The following PELI2 variants were observed in gnomAD, a reference collection of about 807,000 sequenced individuals.
PELI2 encodes the protein E3 ubiquitin-protein ligase pellino homolog 2.
In PELI2, 23 loss-of-function variants were observed where a neutral mutation model predicts 42.3. The ratio of observed to expected loss-of-function variants is 0.54; its 90% CI spans 0.39 to 0.77. The LOEUF is 0.77. Among genes scored for constraint, PELI2 ranks in the 30% least tolerant of loss-of-function variants. PELI2 has a pLI of 0.00. For missense variants in PELI2, 463 were observed against 553.2 expected (o/e 0.84, Z 1.64); for synonymous variants, 245 against 212.2 (o/e 1.15, Z -1.34).
intron 2 of PELI2, among the ~76,000 whole-genome samples, chr14:56,235,043 A>G (rs1057281864): frequency 6.6e-6 from 1 of 152,210 alleles, no homozygotes; most frequent in Non-Finnish European, 1.5e-5. Flanking sequence ...TTCACATCTA[A>G]GAAAACTAAA....
intron 2 of PELI2, among the ~76,000 whole-genome samples, chr14:56,187,468 G>A (rs954828411): frequency 2.0e-5 from 3 of 152,118 alleles, no homozygotes; most frequent in Non-Finnish European, 4.4e-5. Flanking sequence ...TGGTTGTAGG[G>A]GTAGTTATGA....
intron 1 of PELI2, among the ~76,000 whole-genome samples, chr14:56,134,078 G>A (rs1883595574): frequency 2.0e-5 from 3 of 152,084 alleles, no homozygotes; most frequent in Admixed American, 2.0e-4. Context: ...CCAAGGTAAG[G>A]TAGATTGTAA....
intron 2 of PELI2, among the ~76,000 whole-genome samples, chr14:56,263,957 A>G (rs1250805732): frequency 1.3e-5 from 2 of 152,238 alleles, no homozygotes; most frequent in Non-Finnish European, 2.9e-5. Flanking sequence ...TTGCAATAGC[A>G]TAAAAAATGT....
intron 2 of PELI2, among the ~76,000 whole-genome samples, chr14:56,202,239 A>G (rs997668356): frequency 1.3e-5 from 2 of 152,216 alleles, no homozygotes; most frequent in African/African-American, 4.8e-5. Flanking sequence ...GTTTGTAAAA[A>G]TGGAAGGAAA....
chr14:56,230,801 C>T (rs1439429048), intron 2 of PELI2, among the ~76,000 whole-genome samples: 2 of 152,182 alleles, frequency 1.3e-5, no homozygotes, highest in African/African-American at 4.8e-5. Flanking sequence ...AAGACACAGA[C>T]TGGCAAATTG....
At chr14:56,127,540 G>A (rs1883318860) in intron 1 of PELI2, among the ~76,000 whole-genome samples, 1 of 152,208 alleles carries the variant, frequency 6.6e-6, no homozygotes, top group South Asian at 2.1e-4. Context: ...CTGTGTTGGT[G>A]AGAAGCAAGC....
At chr14:56,213,117 A>G (rs1886767957) in intron 2 of PELI2, among the ~76,000 whole-genome samples, 2 of 152,184 alleles carry the variant, frequency 1.3e-5, no homozygotes, top group Admixed American at 1.3e-4. Flanking sequence ...TCCTAAAACT[A>G]GAAAGTGACT....
chr14:56,214,212 T>C (rs1158760665), intron 2 of PELI2, among the ~76,000 whole-genome samples: 1 of 152,058 alleles, frequency 6.6e-6, no homozygotes, highest in African/African-American at 2.4e-5. Flanking sequence ...TACAGTATAA[T>C]TCCCATCTTG....
chr14:56,186,829 A>G (rs1251352023), intron 2 of PELI2, among the ~76,000 whole-genome samples: 3 of 152,188 alleles, frequency 2.0e-5, no homozygotes, highest in African/African-American at 7.2e-5. Context: ...TTAAAGCATA[A>G]TTTTATTAGA....
rs188628550 is a variant in PELI2 at position 56,210,960 on chromosome 14, G to A, written c.207+32496G>A. Among the ~76,000 whole-genome samples, 4 of 152,294 alleles carry A rather than the reference G, an allele frequency of 2.6e-5. No individual in the cohort carries two copies. The East Asian group carries it at 7.7e-4, about 29-fold the overall frequency. On this transcript the variant is annotated intron_variant, in intron 2 of 5. Coordinates refer to ENST00000267460, the MANE Select transcript of PELI2 (RefSeq NM_021255.3). ...ATAACTTTTGCTGTTCCTTTTGGTG[G>A]TAGGTATTGCTCCCACCCTTGGTCT...
intron 5 of PELI2, among the ~76,000 whole-genome samples, chr14:56,293,227 GTA>G (rs1889891220): frequency 6.6e-6 from 1 of 152,214 alleles, no homozygotes; most frequent in Non-Finnish European, 1.5e-5. Context: ...TAGTTGCTAT[GTA>G]GGGGCCATTA....
intron 1 of PELI2, among the ~76,000 whole-genome samples, chr14:56,141,729 A>T (rs1035548476): frequency 6.6e-6 from 1 of 152,164 alleles, no homozygotes; most frequent in Non-Finnish European, 1.5e-5. Flanking sequence ...CACTGTCATG[A>T]GAACAGCATG....
intron 2 of PELI2, among the ~76,000 whole-genome samples, chr14:56,229,042 G>A (rs541883045): frequency 1.3e-5 from 2 of 152,378 alleles, no homozygotes; most frequent in South Asian, 2.1e-4. Context: ...TGGCAGCAAG[G>A]CTCGGGGAGG....
intron 2 of PELI2, among the ~76,000 whole-genome samples, chr14:56,232,087 TAGC>T (rs1822317413): frequency 6.6e-6 from 1 of 152,056 alleles, no homozygotes. Flanking sequence ...GATAGACAAA[TAGC>T]AGGCTCTGAA....
At chr14:56,295,415 CCT>C (rs1212956235) in intron 5 of PELI2, among the ~76,000 whole-genome samples, 1 of 152,118 alleles carries the variant, frequency 6.6e-6, no homozygotes, top group African/African-American at 2.4e-5. Context: ...CATCAAACTC[CCT>C]GTTGCTCCCT....
chr14:56,204,676 C>T (rs1037046103), intron 2 of PELI2, among the ~76,000 whole-genome samples: 14 of 151,876 alleles, frequency 9.2e-5, no homozygotes, highest in Non-Finnish European at 1.6e-4. Context: ...AATGACTCCC[C>T]TGGAAAGGAC....
intron 2 of PELI2, among the ~76,000 whole-genome samples, chr14:56,189,615 A>G (rs1448972765): frequency 6.6e-6 from 1 of 152,244 alleles, no homozygotes; most frequent in Non-Finnish European, 1.5e-5. Flanking sequence ...GCTAATATTA[A>G]TGCTGGTTTC....
intron 2 of PELI2, among the ~76,000 whole-genome samples, chr14:56,268,538 A>G (rs1444487469): frequency 1.3e-5 from 2 of 152,202 alleles, no homozygotes; most frequent in African/African-American, 4.8e-5. Flanking sequence ...AATTTTTACT[A>G]TAGCACTTGG....
chr14:56,146,302 C>T (rs906745657), intron 1 of PELI2, among the ~76,000 whole-genome samples: 1 of 152,034 alleles, frequency 6.6e-6, no homozygotes, highest in African/African-American at 2.4e-5. Flanking sequence ...AATAGTTTGC[C>T]CCATCATGAC....
Sources: gnomAD v4.1 joint callset for allele counts (sites outside exome capture counted in the v4.1 genomes callset) on GRCh38, gnomAD v4.1.1 for gene constraint, MANE v1.5 for transcripts, NCBI Gene and HGNC (gene_info 2026-07-23, HGNC 2026-07-21) for gene names.